Variants in HIVEP1 observed in about 807,000 individuals in gnomAD.
The protein encoded by HIVEP1 is zinc finger protein 40.
A neutral mutation model predicts 180.0 loss-of-function variants in HIVEP1; 36 were observed. That is an observed-to-expected ratio of 0.20 (90% CI 0.15 to 0.26). The LOEUF (loss-of-function observed/expected upper bound fraction) is 0.26. HIVEP1 is among the 10% of genes least tolerant of loss of function. The pLI is 1.00. For missense variants in HIVEP1, 3,143 were observed against 3,268.7 expected (o/e 0.96, Z 0.94); for synonymous variants, 1,239 against 1,239.0 (o/e 1.00, Z 0.00).
the HIVEP1 span, among the ~76,000 whole-genome samples, chr6:12,179,894 C>A: frequency 6.6e-6 from 1 of 151,758 alleles, no homozygotes; most frequent in Non-Finnish European, 1.5e-5. Flanking sequence ...CAAAAATGAT[C>A]CTGTTAATAT....
At chr6:12,138,048 C>T (rs189071767) in intron 7 of HIVEP1, among the ~76,000 whole-genome samples, 1 of 152,298 alleles carries the variant, frequency 6.6e-6, no homozygotes, top group Admixed American at 6.5e-5. Flanking sequence ...CACTCCTTGC[C>T]ACTCTCCTGT....
At chr6:12,207,744 A>ATAATAATAATAATAATAG in the HIVEP1 span, among the ~76,000 whole-genome samples, 1 of 146,414 alleles carries the variant, frequency 6.8e-6, no homozygotes, top group Non-Finnish European at 1.5e-5. Flanking sequence ...TCTCTACAAA[A>ATAATAATAATAATAATAG]TAATAATAAT....
downstream of HIVEP1, among the ~76,000 whole-genome samples, chr6:12,167,724 A>G (rs1207550633): frequency 3.1e-5 from 3 of 95,742 alleles, no homozygotes; most frequent in African/African-American, 1.0e-4. Flanking sequence ...TAATATATAT[A>G]CATATATACA....
In HIVEP1 at chr6:12,089,089, G is replaced by T. The variant is rs868077048; in HGVS notation, c.41-95G>T. ...ATTTATTCAACACATTTTTTACTAG[G>T]TATCTGACACTGTTTAAAAGTAGTA... On this transcript the variant is annotated intron_variant, in intron 2 of 8. Coordinates refer to ENST00000379388, the MANE Select transcript of HIVEP1 (RefSeq NM_002114.4). 3.4e-5 allele frequency: 21 copies of T among 621,018 alleles called. No individual in the cohort carries two copies. The Middle Eastern group carries it at 1.8e-3, about 53-fold the overall frequency. The allele number at this position is 621,018 out of a possible 1,614,324, so 38.5% of individuals were successfully genotyped here.
chr6:12,064,058 T>C (rs922436907), intron 2 of HIVEP1, among the ~76,000 whole-genome samples: 4 of 152,222 alleles, frequency 2.6e-5, no homozygotes, highest in African/African-American at 9.6e-5. Flanking sequence ...GCCAGGTTGC[T>C]TGCTCCTACC....
downstream of HIVEP1, among the ~76,000 whole-genome samples, chr6:12,167,591 C>CATGTATATATACATGTTATATTAA: frequency 9.5e-6 from 1 of 105,058 alleles, no homozygotes; most frequent in African/African-American, 3.7e-5. Context: ...CGTTATATTA[C>CATGTATATATACATGTTATATTAA]ATGTATATAT....
chr6:12,161,428 G>A lies in HIVEP1; in HGVS notation c.6488-11G>A. 2 of 1,604,850 alleles carry A rather than the reference G, an allele frequency of 1.2e-6. No individual in the cohort carries two copies. Among genetic ancestry groups the A allele is most frequent in the Non-Finnish European group, 1.7e-6 (2 of 1,174,200 alleles). On this transcript the variant is annotated splice_polypyrimidine_tract_variant and intron_variant, in intron 7 of 8. Transcript: ENST00000379388. ...GCATTCCATCACATACCTCTTGGTT[G>A]TTTTTATTAGATGAAAAACAGAGAT...
At chr6:12,034,444 G>A (rs1769148450) in intron 2 of HIVEP1, among the ~76,000 whole-genome samples, 1 of 152,206 alleles carries the variant, frequency 6.6e-6, no homozygotes, top group South Asian at 2.1e-4. Flanking sequence ...AAGGCACTGT[G>A]CCTGCTGAGT....
intron 2 of HIVEP1, among the ~76,000 whole-genome samples, chr6:12,052,223 C>T (rs74686383): frequency 0.037 from 5,635 of 152,224 alleles, 350 homozygotes; most frequent in African/African-American, 0.13. Context: ...TCTTTTACTT[C>T]ACCTTATATT....
At chr6:12,072,503 C>T (rs1050039925) in intron 2 of HIVEP1, among the ~76,000 whole-genome samples, 5 of 152,056 alleles carry the variant, frequency 3.3e-5, no homozygotes, top group African/African-American at 1.2e-4. Context: ...CTGGGTTCAC[C>T]GAGCCTCCTG....
At chr6:12,099,563 A>G (rs886935287) in intron 3 of HIVEP1, among the ~76,000 whole-genome samples, 1 of 152,008 alleles carries the variant, frequency 6.6e-6, no homozygotes, top group Non-Finnish European at 1.5e-5. Context: ...TGACCCTTAT[A>G]TGTGAAGAAA....
intron 2 of HIVEP1, among the ~76,000 whole-genome samples, chr6:12,048,680 G>T (rs534342950): frequency 9.9e-5 from 15 of 152,240 alleles, no homozygotes; most frequent in African/African-American, 3.6e-4. Flanking sequence ...AACCATAGAG[G>T]CTAAAACGAG....
chr6:12,095,519 G>C (rs1266926707), intron 3 of HIVEP1, among the ~76,000 whole-genome samples: 1 of 126,314 alleles, frequency 7.9e-6, no homozygotes, highest in Non-Finnish European at 1.6e-5. Flanking sequence ...ACATGGATGG[G>C]GATCTTATTT....
chr6:12,103,058 T>C (rs1356808669), intron 3 of HIVEP1, among the ~76,000 whole-genome samples: 1 of 152,032 alleles, frequency 6.6e-6, no homozygotes, highest in African/African-American at 2.4e-5. Flanking sequence ...AACATTTAGT[T>C]TCACTGAAGC....
chr6:12,116,438 C>T (rs968657139), intron 3 of HIVEP1, among the ~76,000 whole-genome samples: 8 of 152,028 alleles, frequency 5.3e-5, no homozygotes, highest in Admixed American at 5.2e-4. Flanking sequence ...ACCTTGCTTT[C>T]ACTTCCACCT....
In HIVEP1 at chr6:12,164,041, C is replaced by G; in HGVS notation, c.7737C>G (p.Cys2579Trp). ...TGCCAGCTTCCCAAAGCAAAGCATG[C>G]GAGACACAACCCAAGCAGACTTCTG... ...PEMPASQSKA[C>W]ETQPKQTSVA... The change falls in exon 9 of 9, where the codon TGC becomes TGG. Residue 2579 changes from cysteine (C) to tryptophan (W), a missense_variant. Cys to Trp is a radical substitution (Grantham distance 215). Around this residue, in one of 12 missense-constraint regions of HIVEP1, gnomAD observed 595 missense variants for 602.2 expected, o/e 0.99. Coordinates refer to ENST00000379388, the MANE Select transcript of HIVEP1 (RefSeq NM_002114.4). 1.2e-6 allele frequency: 2 copies of G among 1,614,072 alleles called. No individual in the cohort carries two copies. The highest frequency in any genetic ancestry group is 1.7e-6 in the Non-Finnish European group (2 of 1,180,016).
At chr6:12,151,615 C>G (rs1759707238) in intron 7 of HIVEP1, among the ~76,000 whole-genome samples, 1 of 152,182 alleles carries the variant, frequency 6.6e-6, no homozygotes, top group Non-Finnish European at 1.5e-5. Flanking sequence ...TCAACTCTGT[C>G]ATGGGTGGTA....
intron 2 of HIVEP1, among the ~76,000 whole-genome samples, chr6:12,049,247 A>T (rs890191681): frequency 4.6e-5 from 7 of 152,204 alleles, no homozygotes; most frequent in African/African-American, 1.7e-4. Context: ...TTATGTCAGG[A>T]TTCACCTGTT....
At chr6:12,160,829 A>G (rs1480355586) in intron 7 of HIVEP1, among the ~76,000 whole-genome samples, 1 of 152,216 alleles carries the variant, frequency 6.6e-6, no homozygotes, top group Non-Finnish European at 1.5e-5. Flanking sequence ...CAGCTTCAGT[A>G]AAGTGTGGAG....
Sources: gnomAD v4.1 joint callset for allele counts (sites outside exome capture counted in the v4.1 genomes callset) on GRCh38, gnomAD v4.1.1 for gene constraint, gnomAD v4.1.1 regional missense constraint, MANE v1.5 for transcripts, NCBI Gene and HGNC (gene_info 2026-07-23, HGNC 2026-07-21) for gene names.